The following CCSER1 variants were observed in gnomAD, a reference collection of about 807,000 sequenced individuals.
The protein encoded by CCSER1 is coiled-coil serine rich protein 1.
CCSER1 carries 41 observed loss-of-function variants against 82.0 expected under a neutral mutation model. That is an observed-to-expected ratio of 0.50 (90% CI 0.39 to 0.65). The LOEUF (loss-of-function observed/expected upper bound fraction) is 0.65. Among genes scored for constraint, CCSER1 ranks in the 30% least tolerant of loss-of-function variants. The pLI, the probability that CCSER1 is intolerant of heterozygous loss-of-function variation, is 0.00. For missense variants in CCSER1, 1,119 were observed against 1,064.2 expected (o/e 1.05, Z -0.72); for synonymous variants, 414 against 383.9 (o/e 1.08, Z -0.92).
chr4:90,506,522 A>G (rs1021160932), intron 5 of CCSER1, among the ~76,000 whole-genome samples: 1 of 152,036 alleles, frequency 6.6e-6, no homozygotes, highest in African/African-American at 2.4e-5. Flanking sequence ...TAGTGCTTTG[A>G]GAGGCCAAGG....
chr4:90,611,751 AAAT>A (rs1309014801), intron 5 of CCSER1, among the ~76,000 whole-genome samples: 2 of 147,896 alleles, frequency 1.4e-5, no homozygotes, highest in African/African-American at 4.9e-5. Context: ...TATATATTTA[AAAT>A]AATACTTTAA....
At chr4:90,409,422 A>C (rs9997264) in intron 4 of CCSER1, among the ~76,000 whole-genome samples, 11,823 of 152,280 alleles carry the variant, frequency 0.078, 693 homozygotes, top group African/African-American at 0.16. Flanking sequence ...TCAGACTAAA[A>C]GCTGATCTCT....
chr4:91,072,913 T>A (rs149889687), intron 9 of CCSER1, among the ~76,000 whole-genome samples: 5 of 152,266 alleles, frequency 3.3e-5, no homozygotes, highest in African/African-American at 7.2e-5. Context: ...TTCTGTTACA[T>A]ACATATGTGT....
intron 10 of CCSER1, among the ~76,000 whole-genome samples, chr4:91,433,377 T>G (rs1053012269): frequency 3.9e-5 from 6 of 152,286 alleles, no homozygotes; most frequent in African/African-American, 1.4e-4. Context: ...GTACAGTGTT[T>G]ATAAAGTCTA....
intron 10 of CCSER1, among the ~76,000 whole-genome samples, chr4:91,217,380 T>G (rs929473434): frequency 1.8e-4 from 27 of 150,254 alleles, no homozygotes; most frequent in African/African-American, 6.6e-4. Flanking sequence ...ACAAAGGTTC[T>G]CCACCTCCCC....
At chr4:90,874,564 A>C (rs1460287071) in intron 8 of CCSER1, among the ~76,000 whole-genome samples, 1 of 152,144 alleles carries the variant, frequency 6.6e-6, no homozygotes, top group Non-Finnish European at 1.5e-5. Flanking sequence ...GACCTTGAGA[A>C]AGTAACGTAA....
At chr4:90,476,600 C>A (rs1017236022) in intron 5 of CCSER1, among the ~76,000 whole-genome samples, 2 of 151,582 alleles carry the variant, frequency 1.3e-5, no homozygotes, top group African/African-American at 4.9e-5. Context: ...GCTCATTATT[C>A]GCTGGTTTAT....
At chr4:90,868,126 A>C (rs1276119980) in intron 8 of CCSER1, among the ~76,000 whole-genome samples, 2 of 152,050 alleles carry the variant, frequency 1.3e-5, no homozygotes, top group Non-Finnish European at 2.9e-5. Context: ...ATAGGCATGC[A>C]GTGTATAATA....
chr4:90,850,735 G>A (rs977184778), intron 8 of CCSER1, among the ~76,000 whole-genome samples: 1 of 152,228 alleles, frequency 6.6e-6, no homozygotes, highest in Non-Finnish European at 1.5e-5. Flanking sequence ...AGGTGGAAAG[G>A]ACTTGCCTTA....
intron 8 of CCSER1, among the ~76,000 whole-genome samples, chr4:90,872,101 T>A (rs995129596): frequency 8.6e-5 from 13 of 151,944 alleles, no homozygotes; most frequent in African/African-American, 3.1e-4. Flanking sequence ...TAGTTGGGGC[T>A]TTAAAAAAAA....
intron 10 of CCSER1, among the ~76,000 whole-genome samples, chr4:91,274,938 T>G (rs1309741221): frequency 6.6e-6 from 1 of 152,018 alleles, no homozygotes; most frequent in Middle Eastern, 3.4e-3. Flanking sequence ...ACCCCGTCCC[T>G]ACTAAAAATA....
chr4:90,659,531 A>G (rs1478111645), intron 6 of CCSER1, among the ~76,000 whole-genome samples: 1 of 152,030 alleles, frequency 6.6e-6, no homozygotes, highest in Non-Finnish European at 1.5e-5. Context: ...CAACATCACC[A>G]CTGCTACCAT....
At chr4:90,992,523 A>T (rs961820450) in intron 9 of CCSER1, among the ~76,000 whole-genome samples, 2 of 152,036 alleles carry the variant, frequency 1.3e-5, no homozygotes, top group African/African-American at 4.8e-5. Context: ...TGGCTTAGCT[A>T]GGTCTTCTGC....
intron 6 of CCSER1, among the ~76,000 whole-genome samples, chr4:90,693,191 T>C (rs778029319): frequency 1.3e-5 from 2 of 151,950 alleles, no homozygotes; most frequent in African/African-American, 2.4e-5. Flanking sequence ...CAGTTATTGT[T>C]CTAATAGAAG....
intron 9 of CCSER1, among the ~76,000 whole-genome samples, chr4:91,069,044 T>C (rs1340785464): frequency 1.3e-5 from 2 of 151,992 alleles, no homozygotes; most frequent in East Asian, 3.9e-4. Flanking sequence ...TGCGGTGGCA[T>C]GCACCTGTAA....
At chr4:91,209,615 GA>G (rs1020516738) in intron 10 of CCSER1, among the ~76,000 whole-genome samples, 4 of 151,658 alleles carry the variant, frequency 2.6e-5, no homozygotes, top group African/African-American at 9.7e-5. Context: ...TTGGTTTTCT[GA>G]TACTTTGTCA....
At chr4:91,516,891 T>C (rs1760153936) in intron 10 of CCSER1, among the ~76,000 whole-genome samples, 1 of 152,194 alleles carries the variant, frequency 6.6e-6, no homozygotes, top group South Asian at 2.1e-4. Flanking sequence ...GAAGAGTATT[T>C]TGTAATTCTC....
intron 5 of CCSER1, among the ~76,000 whole-genome samples, chr4:90,485,893 T>C (rs1766958485): frequency 6.6e-6 from 1 of 152,130 alleles, no homozygotes; most frequent in Non-Finnish European, 1.5e-5. Context: ...ATTTTTTGTT[T>C]TGTTTTGTTT....
intron 4 of CCSER1, among the ~76,000 whole-genome samples, chr4:90,407,582 A>T (rs369660398): frequency 6.6e-6 from 1 of 152,222 alleles, no homozygotes; most frequent in East Asian, 1.9e-4. Context: ...CCTGATGAAC[A>T]TAGATGCAAA....
Sources: allele counts gnomAD v4.1 joint callset (sites outside exome capture counted in the v4.1 genomes callset), GRCh38; gene constraint gnomAD v4.1.1; transcripts MANE v1.5; gene names NCBI Gene and HGNC (gene_info 2026-07-23, HGNC 2026-07-21).